Variants in ZAN observed in about 807,000 individuals in gnomAD.
ZAN encodes the protein zonadhesin, also known as zonadhesin (gene/pseudogene).
A neutral mutation model predicts 286.2 loss-of-function variants in ZAN; 260 were observed. That is an observed-to-expected ratio of 0.91 (90% CI 0.82 to 1.01). ZAN has a LOEUF of 1.01. Among genes scored for constraint, ZAN ranks in the 50% least tolerant of loss-of-function variants. ZAN has a pLI of 0.00. For missense variants in ZAN, 3,410 were observed against 3,639.2 expected (o/e 0.94, Z 1.62); for synonymous variants, 1,368 against 1,417.5 (o/e 0.97, Z 0.79).
chr7:100,765,418 C>T lies in ZAN; in HGVS notation c.4334C>T (p.Ser1445Leu). The T allele has an allele frequency of 6.2e-7, 1 of 1,613,970 alleles. No individual in the cohort carries two copies. Among genetic ancestry groups the T allele is most frequent in the Non-Finnish European group, 8.5e-7 (1 of 1,179,874 alleles). ...CAKPCPDTCHSGFSGMFCSDR... is the reference protein window; with the variant it reads ...CAKPCPDTCHLGFSGMFCSDR... ...AAGCCATGCCCTGACACCTGCCATT[C>T]AGGATTCTCCGGCATGTTCTGCTCA... The change falls in exon 23 of 48, where the codon TCA becomes TTA. Residue 1445 changes from serine to leucine, a missense_variant. Ser to Leu is a moderately radical substitution (Grantham distance 145). This residue lies in a region of ZAN where 1,042 missense variants were observed against 1,058.0 expected (regional missense o/e 0.98). Coordinates refer to ENST00000613979, the MANE Select transcript of ZAN (RefSeq NM_003386.3).
chr7:100,795,628 C>A (rs149733188), intron 45 of ZAN, among the ~76,000 whole-genome samples: 1 of 151,410 alleles, frequency 6.6e-6, no homozygotes, highest in African/African-American at 2.4e-5. Context: ...CAGTCCTGGC[C>A]GGGAATGGTG....
rs1014632754 is a variant in ZAN, at chr7:100,744,523, G to C, written c.767-2015G>C. On this transcript the variant is annotated intron_variant, in intron 7 of 47. Transcript: ENST00000613979. ...TGAGGCAGGAGAATTGTTTGAACCT[G>C]GGAGGCGGAGGTTGCAGTGAGCCGA... is the stretch of plus-strand genomic sequence containing the variant. Among the ~76,000 whole-genome samples the C allele has an allele frequency of 3.3e-5, 5 of 151,146 alleles. 1 individual carries two copies. Among genetic ancestry groups the C allele is most frequent in the African/African-American group, 1.2e-4 (5 of 40,958 alleles).
At chr7:100,770,967 C>T (rs1307580609) in intron 28 of ZAN, among the ~76,000 whole-genome samples, 1 of 152,164 alleles carries the variant, frequency 6.6e-6, no homozygotes, top group Admixed American at 6.6e-5. Context: ...CCACACCCGG[C>T]TAGTTTTTGT....
In ZAN at chr7:100,738,506, G is replaced by A. The variant is rs1345923833; in HGVS notation, c.659G>A (p.Cys220Tyr). Residue 220 changes from cysteine to tyrosine, a missense_variant, in exon 7 of 48, where the codon TGT becomes TAT. By Grantham distance (194) the Cys-to-Tyr change is radical. This residue lies in a region of ZAN where 872 missense variants were observed against 938.9 expected (regional missense o/e 0.93). Transcript: ENST00000613979. ...TCSFDIPNDL[C>Y]DWTWIPTASG... ...AGCTTTGACATTCCAAATGACCTCT[G>A]TGACTGGACCTGGATCCCAACTGCC... 1 of 1,491,446 alleles carries A rather than the reference G, an allele frequency of 6.7e-7. No homozygotes were observed. Among genetic ancestry groups the A allele is most frequent in the Middle Eastern group, 1.7e-4 (1 of 5,926 alleles). The allele number at this position is 1,491,446 out of a possible 1,614,324, so 92.4% of individuals were successfully genotyped here. A position where few individuals can be genotyped will look rare whatever the true frequency, so the allele number is the denominator to read the frequency against.
chr7:100,749,633 C>A (rs1808486032), intron 11 of ZAN, among the ~76,000 whole-genome samples: 1 of 120,214 alleles, frequency 8.3e-6, no homozygotes, highest in Non-Finnish European at 1.7e-5. Flanking sequence ...GAGTGAGACT[C>A]CGTCTCAAAA....
Position 100,764,095 on chromosome 7 carries a change from A to G in ZAN, c.4166A>G (p.Gln1389Arg), listed in dbSNP as rs1562935737. ...TGCATGCTTGATATGTGCGGATTCC[A>G]GGGGCTGCAGCACCTGCTGTGCACA... ...DSCMLDMCGF[Q>R]GLQHLLCTHM... The change falls in exon 22 of 48, where the codon CAG becomes CGG. Residue 1389 changes from glutamine to arginine, a missense_variant. Coordinates refer to ENST00000613979, the MANE Select transcript of ZAN (RefSeq NM_003386.3). The G allele has an allele frequency of 9.9e-6, 16 of 1,613,536 alleles. No homozygotes were observed. Among genetic ancestry groups the G allele is most frequent in the Non-Finnish European group, 1.3e-5 (15 of 1,179,734 alleles).
At position 100,791,014 on chromosome 7, in the gene ZAN, A is replaced by G. The variant is rs1466269019; in HGVS notation, c.7430A>G (p.Asn2477Ser). 1 of 1,612,750 alleles carries G rather than the reference A, an allele frequency of 6.2e-7. No homozygotes were observed. The highest frequency in any genetic ancestry group is 2.2e-5 in the East Asian group (1 of 44,870). The change falls in exon 40 of 48, where the codon AAT (asparagine) becomes AGT (serine). Residue 2477 changes from asparagine (N) to serine (S), a missense_variant. This residue lies in a region of ZAN where 1,289 missense variants were observed against 1,314.3 expected (regional missense o/e 0.98). Transcript: ENST00000613979. ...LCGNYDKNRK[N>S]DMMLPSGALT... is the part of the protein sequence containing the mutation. ...GGAAACTACGACAAGAACCGCAAGA[A>G]TGACATGATGCTGCCCAGTGGCGCC...
chr7:100,735,867 C>A, intron 3 of ZAN, 95 bp downstream of exon 3: 1 of 975,438 alleles, frequency 1.0e-6, no homozygotes, highest in Non-Finnish European at 1.5e-6. Flanking sequence ...CTAGCAGGAG[C>A]AGCCACCTCC....
At chr7:100,764,455 A>G (rs1390049933) in intron 22 of ZAN, among the ~76,000 whole-genome samples, 1 of 152,120 alleles carries the variant, frequency 6.6e-6, no homozygotes, top group Non-Finnish European at 1.5e-5. Context: ...AGATTGCGCC[A>G]CTGCACTCCA....
At chr7:100,762,846 C>T (rs1809690806) in intron 20 of ZAN, among the ~76,000 whole-genome samples, 1 of 151,668 alleles carries the variant, frequency 6.6e-6, no homozygotes, top group Non-Finnish European at 1.5e-5. Context: ...CTCAAGCAAT[C>T]CTCCCTTCTC....
rs1455003757 is a variant in ZAN, at chr7:100,760,488, TGCGGGTGA to T, written c.3796_3803del (p.Arg1266MetfsTer4). On this transcript the variant is annotated frameshift_variant, in exon 19 of 48. Coordinates refer to ENST00000613979, the MANE Select transcript of ZAN (RefSeq NM_003386.3). LOFTEE classifies it high-confidence loss of function. Reference sequence around the variant, plus strand: ...GTGGAGCTGCAGACGGAGTTCGGTTTGCGGGTGAGATGGGATGGTGACCAGCAGCTGTA... The same window carrying T: ...GTGGAGCTGCAGACGGAGTTCGGTTTGATGGGATGGTGACCAGCAGCTGTA... 3.1e-6 allele frequency: 5 copies of T among 1,613,842 alleles called. No individual in the cohort carries two copies. Among genetic ancestry groups the T allele is most frequent in the Non-Finnish European group, 4.2e-6 (5 of 1,179,888 alleles).
chr7:100,756,087 C>T (rs1256999091), intron 15 of ZAN, among the ~76,000 whole-genome samples: 2 of 152,016 alleles, frequency 1.3e-5, no homozygotes, highest in African/African-American at 4.8e-5. Context: ...TAGGGTTTCA[C>T]CATATATTCT....
chr7:100,775,125 T>G (rs1303284529), intron 31 of ZAN, among the ~76,000 whole-genome samples: 2 of 152,058 alleles, frequency 1.3e-5, no homozygotes, highest in Non-Finnish European at 2.9e-5. Flanking sequence ...AGACGGGTTT[T>G]TACCATGTTG....
chr7:100,736,472 A>AT lies in ZAN; in HGVS notation c.107-9dup, dbSNP rs748413249. ...CCTCTCTGAAACCTCACTGTGACCC[A>AT]TTCTTCCTAGATGTCCTCACCCAGT... On this transcript the variant is annotated splice_polypyrimidine_tract_variant and intron_variant, in intron 3 of 47. Transcript: ENST00000613979. 13 of 1,523,084 alleles carry AT rather than the reference A, an allele frequency of 8.5e-6. 3 individuals carry two copies. The highest frequency in any genetic ancestry group is 1.2e-5 in the Non-Finnish European group (13 of 1,107,662). 94.3% of individuals were successfully genotyped at this position (1,523,084 alleles called of 1,614,324 possible).
At chr7:100,787,097 C>T (rs534030056) in intron 37 of ZAN, among the ~76,000 whole-genome samples, 2 of 150,414 alleles carry the variant, frequency 1.3e-5, no homozygotes, top group African/African-American at 4.9e-5. Context: ...AATAAAGGGC[C>T]TCTAATTGAA....
Position 100,766,089 on chromosome 7 carries a change from C to T in ZAN, c.4471-436C>T, listed in dbSNP as rs368208174. Reference sequence around the variant, plus strand: ...GCAACCTCCGCCTCCCAGGTTCAAGCGATTCTCCCGCCTAAGCCTCCCAAG... The same window carrying T: ...GCAACCTCCGCCTCCCAGGTTCAAGTGATTCTCCCGCCTAAGCCTCCCAAG... On this transcript the variant is annotated intron_variant, in intron 23 of 47. Transcript: ENST00000613979. Among the ~76,000 whole-genome samples, 11 of 151,186 alleles carry T rather than the reference C, an allele frequency of 7.3e-5. No homozygotes were observed. In the South Asian group the frequency reaches 1.7e-3, roughly 23 times the overall value.
intron 26 of ZAN, 70 bp downstream of exon 26, chr7:100,768,081 C>T (rs1487753741): frequency 6.6e-7 from 1 of 1,516,780 alleles, no homozygotes; most frequent in East Asian, 2.3e-5. Context: ...CCCAGCTCCC[C>T]CAACATCTCT....
In ZAN at chr7:100,755,267, C is replaced by G. The variant is rs371722808; in HGVS notation, c.3166C>G (p.Pro1056Ala). The change falls in exon 15 of 48, where the codon CCT becomes GCT. Residue 1056 changes from proline (P) to alanine (A), a missense_variant. Pro to Ala is a conservative substitution (Grantham distance 27). Transcript: ENST00000613979. Reference sequence around the variant, plus strand: ...TGCCCGCTACGAATCCTGTGCTTGTCCTGCTTCGTGCAAGAGCCCCAGGCC... The same window carrying G: ...TGCCCGCTACGAATCCTGTGCTTGTGCTGCTTCGTGCAAGAGCCCCAGGCC... The part of the protein sequence containing the change: ...PNARYESCAC[P>A]ASCKSPRPSC... 2.5e-6 allele frequency: 4 copies of G among 1,613,722 alleles called. No individual in the cohort carries two copies. Among genetic ancestry groups the G allele is most frequent in the African/African-American group, 1.3e-5 (1 of 74,936 alleles).
At chr7:100,786,358 G>C (rs1307268994) in intron 37 of ZAN, among the ~76,000 whole-genome samples, 1 of 152,122 alleles carries the variant, frequency 6.6e-6, no homozygotes, top group Non-Finnish European at 1.5e-5. Context: ...TCCACCTGCA[G>C]GGCAAAAAGA....
Sources: allele counts gnomAD v4.1 joint callset (sites outside exome capture counted in the v4.1 genomes callset), GRCh38; gene constraint gnomAD v4.1.1; regional missense constraint gnomAD v4.1.1; transcripts MANE v1.5; gene names NCBI Gene and HGNC (gene_info 2026-07-23, HGNC 2026-07-21).